PARD3B: variants seen among roughly 807,000 people sequenced by gnomAD.
PARD3B encodes partitioning defective 3 homolog B.
PARD3B carries 103 observed loss-of-function variants against 130.2 expected under a neutral mutation model. That is an observed-to-expected ratio of 0.79 (90% CI 0.67 to 0.93). The LOEUF (loss-of-function observed/expected upper bound fraction) is 0.93, where lower values mean the gene tolerates loss of function less well. Ranked by LOEUF, PARD3B falls within the 40% of genes least tolerant of loss-of-function variation. The pLI, the probability that PARD3B is intolerant of heterozygous loss-of-function variation, is 0.00. For synonymous variants in PARD3B, 583 were observed against 553.2 expected (o/e 1.05, Z -0.76); for missense variants, 1,609 against 1,499.2 (o/e 1.07, Z -1.21).
At chr2:204,684,057 A>G (rs1574697474) in intron 1 of PARD3B, among the ~76,000 whole-genome samples, 3 of 152,248 alleles carry the variant, frequency 2.0e-5, no homozygotes, top group South Asian at 2.1e-4. Flanking sequence ...ATCAAATCCT[A>G]TCTTTGGCTA....
intron 2 of PARD3B, among the ~76,000 whole-genome samples, chr2:204,742,721 C>G (rs866878067): frequency 6.6e-6 from 1 of 152,168 alleles, no homozygotes; most frequent in Non-Finnish European, 1.5e-5. Flanking sequence ...TCACTTGTCA[C>G]TAACTTGATC....
chr2:205,498,016 AACACACACACAC>A (rs57531393), intron 20 of PARD3B, among the ~76,000 whole-genome samples: 1 of 141,972 alleles, frequency 7.0e-6, no homozygotes, highest in Admixed American at 7.1e-5. Context: ...GTCTCTACTA[AACACACACACAC>A]ACACACACAC....
At chr2:204,643,213 T>A (rs2035156761) in intron 1 of PARD3B, among the ~76,000 whole-genome samples, 1 of 150,630 alleles carries the variant, frequency 6.6e-6, no homozygotes, top group African/African-American at 2.4e-5. Flanking sequence ...CTTCACCTTC[T>A]GCCATGATTG....
Position 205,400,218 on chromosome 2 carries a change from G to A in PARD3B, c.2631-795G>A, listed in dbSNP as rs570581973. 5.1e-4 allele frequency among the ~76,000 whole-genome samples: 78 copies of A among 152,120 alleles called. 1 individual carries two copies. In the South Asian group the frequency reaches 0.016, roughly 32 times the overall value. ...TTAATAGGTCATCATAATTAGTCTT[G>A]AATATTTGTCTATCTAAATAATAAG... is the stretch of plus-strand genomic sequence containing the variant. On this transcript the variant is annotated intron_variant, in intron 18 of 22. Transcript: ENST00000406610.
Position 204,887,326 on chromosome 2 carries a change from C to T in PARD3B, c.223-77826C>T, listed in dbSNP as rs1271629083. On this transcript the variant is annotated intron_variant, in intron 2 of 22. Transcript: ENST00000406610. The surrounding 1 kb of genome is among the most constrained non-coding windows in gnomAD (Gnocchi z 4.2). ...ATTTTGGAAGCTGAGTCACTTGCCA[C>T]CTGCATATATCTTTGTTTAAAAAGC... 6.6e-6 allele frequency among the ~76,000 whole-genome samples: 1 copy of T among 152,106 alleles called. No individual in the cohort carries two copies. Among genetic ancestry groups the T allele is most frequent in the Non-Finnish European group, 1.5e-5 (1 of 68,026 alleles).
chr2:205,450,967 A>G (rs880343), intron 20 of PARD3B, among the ~76,000 whole-genome samples: 16,288 of 152,268 alleles, frequency 0.11, 1,252 homozygotes, highest in African/African-American at 0.22. Context: ...GTCAGGCTTA[A>G]CAATCATCCA....
At chr2:205,359,769 A>G (rs1055138499) in intron 18 of PARD3B, among the ~76,000 whole-genome samples, 1 of 152,136 alleles carries the variant, frequency 6.6e-6, no homozygotes, top group Non-Finnish European at 1.5e-5. Flanking sequence ...TAGTATGTAT[A>G]TGGACATCTG....
At chr2:205,475,293 C>T (rs2048987531) in intron 20 of PARD3B, among the ~76,000 whole-genome samples, 1 of 152,084 alleles carries the variant, frequency 6.6e-6, no homozygotes, top group Non-Finnish European at 1.5e-5. Context: ...TCTATCACCA[C>T]TCCCATCAGC....
chr2:205,129,847 C>T (rs527729699), intron 10 of PARD3B, among the ~76,000 whole-genome samples: 20 of 152,256 alleles, frequency 1.3e-4, no homozygotes, highest in Non-Finnish European at 2.8e-4. Flanking sequence ...GTGACTCTGT[C>T]ATTCTGAAGG....
chr2:204,572,999 A>G (rs571478270), intron 1 of PARD3B, among the ~76,000 whole-genome samples: 3 of 152,330 alleles, frequency 2.0e-5, no homozygotes, highest in Middle Eastern at 6.8e-3. Flanking sequence ...CTGCTATCTT[A>G]AATTATTGAC....
chr2:205,148,594 G>C (rs2033531462), intron 10 of PARD3B, among the ~76,000 whole-genome samples: 1 of 152,166 alleles, frequency 6.6e-6, no homozygotes, highest in South Asian at 2.1e-4. Flanking sequence ...TTATTTAGCT[G>C]TAACAAAAGT....
intron 3 of PARD3B, among the ~76,000 whole-genome samples, chr2:205,042,659 G>C (rs1412127185): frequency 6.6e-6 from 1 of 151,886 alleles, no homozygotes; most frequent in Non-Finnish European, 1.5e-5. Context: ...GTTTTCATTG[G>C]TGTGTGTTCT....
chr2:204,698,594 A>G (rs1226253182), intron 2 of PARD3B, among the ~76,000 whole-genome samples: 2 of 151,728 alleles, frequency 1.3e-5, no homozygotes, highest in Non-Finnish European at 1.5e-5. Context: ...TAACACATCT[A>G]TTAAGATGTG....
Position 205,299,007 on chromosome 2 carries a change from T to A in PARD3B, c.2186-1523T>A, listed in dbSNP as rs546231015. On this transcript the variant is annotated intron_variant, in intron 16 of 22. Transcript: ENST00000406610. ...AAAAGTAGTACCAGTAGCACAACTA[T>A]AAGGATTATAGTAAGTTACTGTGGG... Among the ~76,000 whole-genome samples the A allele has an allele frequency of 7.2e-5, 11 of 152,300 alleles. No homozygotes were observed. In the East Asian group the frequency reaches 2.1e-3, roughly 29 times the overall value.
chr2:205,431,770 C>T (rs1288207334), intron 19 of PARD3B, among the ~76,000 whole-genome samples: 6 of 152,028 alleles, frequency 3.9e-5, no homozygotes, highest in Non-Finnish European at 8.8e-5. Context: ...CGACTGGCCA[C>T]ATCAATTTTT....
At chr2:204,688,977 A>T (rs1388213312) in intron 2 of PARD3B, among the ~76,000 whole-genome samples, 1 of 152,196 alleles carries the variant, frequency 6.6e-6, no homozygotes, top group East Asian at 1.9e-4. Flanking sequence ...TCCAGGTGAG[A>T]AGTGGCATTA....
At chr2:205,442,361 C>T (rs1377182290) in intron 20 of PARD3B, among the ~76,000 whole-genome samples, 2 of 128,144 alleles carry the variant, frequency 1.6e-5, no homozygotes, top group East Asian at 2.3e-4. Flanking sequence ...TGCAGTGGTA[C>T]GATCGCGGCT....
chr2:204,613,064 C>G (rs945272574), intron 1 of PARD3B, among the ~76,000 whole-genome samples: 1 of 151,564 alleles, frequency 6.6e-6, no homozygotes, highest in Non-Finnish European at 1.5e-5. Context: ...TTTTCTCTTT[C>G]CCTGGTTTTA....
Position 204,718,370 on chromosome 2 carries a change from T to A in PARD3B, c.222+32088T>A, listed in dbSNP as rs79420639. On this transcript the variant is annotated intron_variant, in intron 2 of 22. Coordinates refer to ENST00000406610, the MANE Select transcript of PARD3B (RefSeq NM_001302769.2). ...ACAGTTCTGCATGGCTGGGGAGGCC[T>A]CATGAATCTTACAATCATGGCGGAA... Among the ~76,000 whole-genome samples, 344 of 152,272 alleles carry A rather than the reference T, an allele frequency of 2.3e-3. 2 individuals are homozygous for A. The highest frequency in any genetic ancestry group is 7.9e-3 in the African/African-American group (328 of 41,556).
Sources: allele counts gnomAD v4.1 joint callset (sites outside exome capture counted in the v4.1 genomes callset), GRCh38; gene constraint gnomAD v4.1.1; non-coding constraint Gnocchi (gnomAD v3.1); transcripts MANE v1.5; gene names NCBI Gene and HGNC (gene_info 2026-07-23, HGNC 2026-07-21).